Variants in SORCS2 observed in about 807,000 individuals in gnomAD.
SORCS2 encodes VPS10 domain-containing receptor SorCS2.
In SORCS2, 100 loss-of-function variants were observed where a neutral mutation model predicts 141.6. The observed-to-expected ratio is 0.71, with a 90% CI of 0.60 to 0.83. SORCS2 has a LOEUF of 0.83. Ranked by LOEUF, SORCS2 falls within the 40% of genes least tolerant of loss-of-function variation. SORCS2 has a pLI of 0.00. For synonymous variants in SORCS2, 789 were observed against 676.9 expected (o/e 1.17, Z -2.57); for missense variants, 1,646 against 1,560.2 (o/e 1.05, Z -0.93).
chr4:7,414,352 T>C (rs1725524635), intron 2 of SORCS2, among the ~76,000 whole-genome samples: 2 of 152,026 alleles, frequency 1.3e-5, no homozygotes, highest in African/African-American at 2.4e-5. Context: ...ACTTTGGAAA[T>C]AGCTTCTGAG....
chr4:7,568,853 C>T (rs1049617231), intron 3 of SORCS2, among the ~76,000 whole-genome samples: 3 of 152,162 alleles, frequency 2.0e-5, no homozygotes, highest in African/African-American at 4.8e-5. Context: ...CATCTCTTCC[C>T]GTAGGGGTCA....
At chr4:7,303,444 C>G (rs1334078706) in intron 1 of SORCS2, among the ~76,000 whole-genome samples, 1 of 152,188 alleles carries the variant, frequency 6.6e-6, no homozygotes, top group Non-Finnish European at 1.5e-5. Context: ...CTCTATGCCC[C>G]TTTTTAGTTC....
chr4:7,626,991 TG>T (rs1313054142), intron 3 of SORCS2, among the ~76,000 whole-genome samples: 3 of 152,214 alleles, frequency 2.0e-5, no homozygotes, highest in Non-Finnish European at 2.9e-5. Flanking sequence ...TATTTTATTT[TG>T]TTTTATTTTT....
chr4:7,627,336 C>T (rs1393380866), intron 3 of SORCS2, among the ~76,000 whole-genome samples: 17 of 152,116 alleles, frequency 1.1e-4, no homozygotes, highest in Admixed American at 4.6e-4. Flanking sequence ...CAGTGGGAGG[C>T]GTCCTGCTGA....
At chr4:7,521,623 C>T (rs1733335390) in intron 2 of SORCS2, among the ~76,000 whole-genome samples, 1 of 152,146 alleles carries the variant, frequency 6.6e-6, no homozygotes, top group South Asian at 2.1e-4. Flanking sequence ...ACAGACCTAG[C>T]CTGAACTGGA....
chr4:7,237,244 T>C (rs866352039), intron 1 of SORCS2, among the ~76,000 whole-genome samples: 6 of 152,238 alleles, frequency 3.9e-5, no homozygotes, highest in African/African-American at 1.2e-4. Context: ...GACAGCCTTT[T>C]CAAGATGCCC....
chr4:7,367,210 T>C (rs1005973352), intron 1 of SORCS2, among the ~76,000 whole-genome samples: 1 of 152,194 alleles, frequency 6.6e-6, no homozygotes, highest in Non-Finnish European at 1.5e-5. Context: ...GGCAATGACT[T>C]GGCCATCCTT....
chr4:7,210,752 A>T, intron 1 of SORCS2, among the ~76,000 whole-genome samples: 1 of 152,266 alleles, frequency 6.6e-6, no homozygotes, highest in East Asian at 1.9e-4. Flanking sequence ...TGGCTGTGAT[A>T]CAATGAGGGC....
rs1553890698 is a variant in SORCS2 at position 7,601,671 on chromosome 4, G to GTTTGTTT, written c.649-36653_649-36647dup. ...ACATAGCTTTGTTTTTTGTTTGTTT[G>GTTTGTTT]TTTGTTTTTTTAGTATTTATTGATC... On this transcript the variant is annotated intron_variant, in intron 3 of 26. Coordinates refer to ENST00000507866, the MANE Select transcript of SORCS2 (RefSeq NM_020777.3). 6.8e-3 allele frequency among the ~76,000 whole-genome samples: 890 copies of GTTTGTTT among 130,030 alleles called. 12 individuals carry two copies. The highest frequency in any genetic ancestry group is 0.022 in the African/African-American group (834 of 38,072). 85.3% of individuals were successfully genotyped at this position (130,030 alleles called of 152,430 possible).
intron 3 of SORCS2, among the ~76,000 whole-genome samples, chr4:7,568,080 A>T (rs1325359157): frequency 1.3e-5 from 2 of 152,196 alleles, no homozygotes; most frequent in African/African-American, 2.4e-5. Flanking sequence ...CCATTTCTCC[A>T]AGGAGCTCTG....
chr4:7,316,631 A>G (rs114226728), intron 1 of SORCS2, among the ~76,000 whole-genome samples: 106 of 152,356 alleles, frequency 7.0e-4, no homozygotes, highest in African/African-American at 2.5e-3. Context: ...CTTGGCTTAG[A>G]AAATGTTAAC....
intron 10 of SORCS2, among the ~76,000 whole-genome samples, chr4:7,685,057 G>A (rs1346729824): frequency 6.6e-6 from 1 of 152,204 alleles, no homozygotes; most frequent in East Asian, 1.9e-4. Flanking sequence ...GACCTGTGTG[G>A]AGAATTAATT....
At chr4:7,614,561 GTCCA>G (rs1331664143) in intron 3 of SORCS2, among the ~76,000 whole-genome samples, 2 of 144,064 alleles carry the variant, frequency 1.4e-5, no homozygotes, top group African/African-American at 2.6e-5. Flanking sequence ...CTCATCCACT[GTCCA>G]TCCATCCATC....
chr4:7,605,604 TC>T (rs1718007641), intron 3 of SORCS2, among the ~76,000 whole-genome samples: 1 of 152,170 alleles, frequency 6.6e-6, no homozygotes, highest in Non-Finnish European at 1.5e-5. Context: ...TATTGCTGTT[TC>T]CCTATTGCTC....
intron 12 of SORCS2, among the ~76,000 whole-genome samples, chr4:7,702,129 G>A (rs151212139): frequency 1.1e-3 from 166 of 152,316 alleles, no homozygotes; most frequent in Non-Finnish European, 6.5e-4. Flanking sequence ...ACACTGAGAC[G>A]GATGAGCGTG....
At chr4:7,329,694 G>A (rs1719519120) in intron 1 of SORCS2, among the ~76,000 whole-genome samples, 3 of 152,298 alleles carry the variant, frequency 2.0e-5, no homozygotes, top group Middle Eastern at 3.4e-3. Flanking sequence ...CAGCACAAAT[G>A]TACAGACAGC....
At chr4:7,285,021 C>CAG (rs1716112996) in intron 1 of SORCS2, among the ~76,000 whole-genome samples, 6 of 141,888 alleles carry the variant, frequency 4.2e-5, no homozygotes, top group Non-Finnish European at 4.6e-5. Flanking sequence ...GGGACCATCC[C>CAG]ATATATATAT....
At chr4:7,417,224 C>T (rs751920977) in intron 2 of SORCS2, among the ~76,000 whole-genome samples, 1 of 152,120 alleles carries the variant, frequency 6.6e-6, no homozygotes, top group East Asian at 1.9e-4. Context: ...GCATGAAGGG[C>T]GAGCTAGACT....
In SORCS2 at chr4:7,321,596, C is replaced by T. The variant is rs77031059; in HGVS notation, c.481-74692C>T. ...ATGCAGCTGACATCTCACAGGGGGG[C>T]GGACAGTACCAAAGGAGACAGGCCA... On this transcript the variant is annotated intron_variant, in intron 1 of 26. Transcript: ENST00000507866. 7.9e-3 allele frequency among the ~76,000 whole-genome samples: 1,197 copies of T among 152,260 alleles called. 12 individuals carry two copies. The highest frequency in any genetic ancestry group is 0.027 in the African/African-American group (1,131 of 41,536).
Sources: allele counts gnomAD v4.1 joint callset (sites outside exome capture counted in the v4.1 genomes callset), GRCh38; gene constraint gnomAD v4.1.1; transcripts MANE v1.5; gene names NCBI Gene and HGNC (gene_info 2026-07-23, HGNC 2026-07-21).